The following ST8SIA1 variants were observed in gnomAD, a reference collection of about 807,000 sequenced individuals.
The protein encoded by ST8SIA1 is alpha-N-acetylneuraminide alpha-2,8-sialyltransferase.
ST8SIA1 carries 16 observed loss-of-function variants against 35.9 expected under a neutral mutation model. The ratio of observed to expected loss-of-function variants is 0.45; its 90% confidence interval spans 0.30 to 0.68. The LOEUF (loss-of-function observed/expected upper bound fraction) is 0.68, where lower values mean the gene tolerates loss of function less well. Ranked by LOEUF, ST8SIA1 falls within the 30% of genes least tolerant of loss-of-function variation. ST8SIA1 has a pLI of 0.09. For synonymous variants in ST8SIA1, 170 were observed against 169.6 expected, an observed-to-expected ratio of 1.00 and a Z score of -0.02; for missense variants, 383 against 453.6, an observed-to-expected ratio of 0.84 and a Z score of 1.41.
At chr12:22,269,679 G>A (rs1865888645) in intron 2 of ST8SIA1, among the ~76,000 whole-genome samples, 1 of 152,166 alleles carries the variant, frequency 6.6e-6, no homozygotes, top group Admixed American at 6.5e-5. Flanking sequence ...AGGTAGCTGA[G>A]AAACGGGAGT....
intron 1 of ST8SIA1, among the ~76,000 whole-genome samples, chr12:22,300,627 T>A (rs1206270132): frequency 6.6e-6 from 1 of 152,160 alleles, no homozygotes; most frequent in African/African-American, 2.4e-5. Context: ...TATTAGGGCT[T>A]ATTGTTTGGA....
At chr12:22,274,054 G>A (rs1486922746) in intron 2 of ST8SIA1, among the ~76,000 whole-genome samples, 2 of 152,206 alleles carry the variant, frequency 1.3e-5, no homozygotes, top group Non-Finnish European at 2.9e-5. Flanking sequence ...AGTCTTCCAG[G>A]AAAATGGATA....
At chr12:22,320,279 T>C (rs1866569238) in intron 1 of ST8SIA1, among the ~76,000 whole-genome samples, 1 of 152,318 alleles carries the variant, frequency 6.6e-6, no homozygotes, top group Middle Eastern at 3.4e-3. Flanking sequence ...TGAGGATTTT[T>C]CCCTCTTATC....
At chr12:22,312,768 A>G (rs1866468283) in intron 1 of ST8SIA1, among the ~76,000 whole-genome samples, 1 of 152,120 alleles carries the variant, frequency 6.6e-6, no homozygotes, top group Non-Finnish European at 1.5e-5. Flanking sequence ...TAAATTCCTA[A>G]AAGCATTAAA....
At chr12:22,303,825 G>A (rs12318036) in intron 1 of ST8SIA1, among the ~76,000 whole-genome samples, 5,861 of 134,264 alleles carry the variant, frequency 0.044, 364 homozygotes, top group African/African-American at 0.16. Flanking sequence ...AATCCGCCCC[G>A]CCACCACCAC....
intron 1 of ST8SIA1, chr12:22,325,844 G>T: frequency 1.4e-6 from 1 of 700,964 alleles, no homozygotes; most frequent in Non-Finnish European, 2.6e-6. Context: ...AAATAAAATC[G>T]GTGTTCCTTG....
chr12:22,329,278 C>T (rs2135848234), intron 1 of ST8SIA1, among the ~76,000 whole-genome samples: 1 of 152,176 alleles, frequency 6.6e-6, no homozygotes, highest in Non-Finnish European at 1.5e-5. Context: ...GTTCATGGAT[C>T]TGTCTAAACC....
At chr12:22,262,913 C>G (rs1237186529) in intron 2 of ST8SIA1, among the ~76,000 whole-genome samples, 1 of 152,150 alleles carries the variant, frequency 6.6e-6, no homozygotes, top group African/African-American at 2.4e-5. Flanking sequence ...GCTGCAATGT[C>G]CTTACCTCCA....
intron 1 of ST8SIA1, among the ~76,000 whole-genome samples, chr12:22,305,500 C>G (rs1466514742): frequency 6.6e-6 from 1 of 151,850 alleles, no homozygotes; most frequent in Non-Finnish European, 1.5e-5. Context: ...CCTGCCTCAG[C>G]CTCCCAAGTA....
At chr12:22,249,499 C>A (rs903267297) in intron 3 of ST8SIA1, among the ~76,000 whole-genome samples, 6 of 152,142 alleles carry the variant, frequency 3.9e-5, no homozygotes, top group South Asian at 2.1e-4. Flanking sequence ...GGATTACAGG[C>A]GTGAGCCACT....
Position 22,249,035 on chromosome 12 carries a change from C to T in ST8SIA1, c.555G>A (p.Val185=), listed in dbSNP as rs1565577315. ...GCCGAATTATGCTGGGATTAGCTGTCACTAACTGACTTTTGGATCCAACAT... is the reference window on the plus strand; with the variant it reads ...GCCGAATTATGCTGGGATTAGCTGTTACTAACTGACTTTTGGATCCAACAT... ...TKDVGSKSQL[V]TANPSIIRQR... The change falls in exon 4 of 5, where the codon GTG becomes GTA. Residue 185 remains valine (V), a synonymous_variant. Transcript: ENST00000396037. 2 of 1,613,744 alleles carry T rather than the reference C, an allele frequency of 1.2e-6. No homozygotes were observed. Among genetic ancestry groups the T allele is most frequent in the African/African-American group, 2.7e-5 (2 of 74,898 alleles).
chr12:22,327,151 T>C (rs982453454), intron 1 of ST8SIA1, among the ~76,000 whole-genome samples: 5 of 152,194 alleles, frequency 3.3e-5, no homozygotes, highest in Non-Finnish European at 7.3e-5. Context: ...AGTACAACTG[T>C]ATCTAATATT....
chr12:22,296,580 C>A (rs1866246918), intron 1 of ST8SIA1, among the ~76,000 whole-genome samples: 1 of 152,092 alleles, frequency 6.6e-6, no homozygotes, highest in South Asian at 2.1e-4. Context: ...ATGAGAAAAC[C>A]CACCCAAGAA....
Position 22,320,975 on chromosome 12 carries a change from GA to G in ST8SIA1, c.236+13021del, listed in dbSNP as rs1274716123. 1.0e-4 allele frequency among the ~76,000 whole-genome samples: 9 copies of G among 86,426 alleles called. No individual in the cohort carries two copies. The East Asian group carries it at 2.1e-3, about 20-fold the overall frequency. The allele number at this position is 86,426 out of a possible 152,430, so 56.7% of individuals were successfully genotyped here. A position where few individuals can be genotyped will look rare whatever the true frequency, so the allele number is the denominator to read the frequency against. ...AAAGAAAGAGAAAGAAAGAAAGAAAGAAAGAAAGAAAGAAAGAAAGAAAGAA... is the reference window on the plus strand; with the variant it reads ...AAAGAAAGAGAAAGAAAGAAAGAAAGAAGAAAGAAAGAAAGAAAGAAAGAA... On this transcript the variant is annotated intron_variant, in intron 1 of 4. Transcript: ENST00000396037.
At chr12:22,255,555 T>C (rs933133497) in intron 2 of ST8SIA1, among the ~76,000 whole-genome samples, 166 bp from the exon 3 acceptor site, 5 of 152,180 alleles carry the variant, frequency 3.3e-5, no homozygotes, top group Non-Finnish European at 7.3e-5. Flanking sequence ...AACAAACTAG[T>C]CTGTTGCCTT....
chr12:22,207,473 C>T (rs1865125058), intron 4 of ST8SIA1, among the ~76,000 whole-genome samples: 1 of 151,410 alleles, frequency 6.6e-6, no homozygotes, highest in Admixed American at 6.6e-5. Context: ...TCACATGTGA[C>T]AAAAAAAATC....
At chr12:22,221,827 T>C (rs892186286) in intron 4 of ST8SIA1, among the ~76,000 whole-genome samples, 21 of 152,238 alleles carry the variant, frequency 1.4e-4, no homozygotes, top group African/African-American at 4.6e-4. Context: ...ATTTCTTCCA[T>C]TTCTAAGTGT....
chr12:22,287,230 AG>A lies in ST8SIA1; in HGVS notation c.299del (p.Pro100LeufsTer36), dbSNP rs765252398. ...CGTCATACCACATGCTCTTCCCCAT[AG>A]GGGAATTCATTTTAGTCATAGCAAA... Reference protein sequence around the residue: ...HLFAMTKMNSPMGKSMWYDGE... With the variant: ...HLFAMTKMNSXMGKSMWYDGE... On this transcript the variant is annotated frameshift_variant, in exon 2 of 5. Coordinates refer to ENST00000396037, the MANE Select transcript of ST8SIA1 (RefSeq NM_003034.4). LOFTEE classifies it high-confidence loss of function. 1.2e-6 allele frequency: 2 copies of A among 1,613,144 alleles called. No homozygotes were observed. The highest frequency in any genetic ancestry group is 2.2e-5 in the South Asian group (2 of 91,058).
intron 4 of ST8SIA1, among the ~76,000 whole-genome samples, chr12:22,247,709 A>T (rs1014099258): frequency 3.9e-5 from 6 of 152,114 alleles, no homozygotes; most frequent in Non-Finnish European, 8.8e-5. Flanking sequence ...TTATAAAAGA[A>T]GCCATAAAGG....
Sources: allele counts gnomAD v4.1 joint callset (sites outside exome capture counted in the v4.1 genomes callset), GRCh38; gene constraint gnomAD v4.1.1; transcripts MANE v1.5; gene names NCBI Gene and HGNC (gene_info 2026-07-23, HGNC 2026-07-21).